SLC43A1: variants seen among roughly 807,000 people sequenced by gnomAD.
SLC43A1 encodes large neutral amino acids transporter small subunit 3.
In SLC43A1, 31 loss-of-function variants were observed where a neutral mutation model predicts 59.5. The ratio of observed to expected loss-of-function variants is 0.52; its 90% CI spans 0.39 to 0.70. The LOEUF is 0.70. Among genes scored for constraint, SLC43A1 ranks in the 30% least tolerant of loss-of-function variants. SLC43A1 has a pLI of 0.00. For missense variants in SLC43A1, 598 were observed against 717.8 expected (o/e 0.83, Z 1.91); for synonymous variants, 259 against 290.9 (o/e 0.89, Z 1.12).
At chr11:57,508,815 C>G (rs746968614) in intron 2 of SLC43A1, among the ~76,000 whole-genome samples, 1 of 151,772 alleles carries the variant, frequency 6.6e-6, no homozygotes, top group Admixed American at 6.6e-5. Context: ...CAAAAAAAAA[C>G]AAATAAATTC....
intron 2 of SLC43A1, among the ~76,000 whole-genome samples, chr11:57,509,386 G>A (rs1364877006): frequency 1.3e-5 from 2 of 151,878 alleles, no homozygotes; most frequent in East Asian, 1.9e-4. Flanking sequence ...TCAGGAGATC[G>A]AAACCATCCT....
intron 13 of SLC43A1, among the ~76,000 whole-genome samples, chr11:57,488,461 GGTT>G (rs1943806538): frequency 6.6e-6 from 1 of 152,164 alleles, no homozygotes; most frequent in South Asian, 2.1e-4. Context: ...ACTTGATAAT[GGTT>G]GTCATTTTGT....
At chr11:57,494,849 CTTT>C (rs34199356) in intron 7 of SLC43A1, among the ~76,000 whole-genome samples, 1 of 143,092 alleles carries the variant, frequency 7.0e-6, no homozygotes, top group Non-Finnish European at 1.5e-5. Context: ...TTTGTCATTA[CTTT>C]TTTTTTTTTT....
chr11:57,491,815 T>G lies in SLC43A1; in HGVS notation c.919A>C (p.Ser307Arg). The G allele has an allele frequency of 6.2e-7, 1 of 1,614,148 alleles. No individual in the cohort carries two copies. Among genetic ancestry groups the G allele is most frequent in the Non-Finnish European group, 8.5e-7 (1 of 1,180,004 alleles). The stretch of plus-strand genomic sequence containing the variant: ...TGGGTCATGCCCATGGTGAGGAGGC[T>G]CCACAGGAAAGTGGGGGAGCAGAGG... ...KSLCSPTFLW[S>R]LLTMGMTQLR... Residue 307 changes from serine to arginine, a missense_variant, in exon 9 of 15, where the codon AGC becomes CGC. Transcript: ENST00000278426.
At chr11:57,513,518 T>C (rs1944606291) in intron 2 of SLC43A1, among the ~76,000 whole-genome samples, 1 of 152,328 alleles carries the variant, frequency 6.6e-6, no homozygotes, top group East Asian at 1.9e-4. Context: ...GCTATGTAAC[T>C]TTGTCCAAAT....
rs189928835 is a variant in SLC43A1 at position 57,489,647 on chromosome 11, C to T, written c.1194-255G>A. 4.6e-5 allele frequency among the ~76,000 whole-genome samples: 7 copies of T among 152,306 alleles called. No homozygotes were observed. In the East Asian group the frequency reaches 9.7e-4, roughly 21 times the overall value. ...ACATGCAGATTCACAGGCCTCATCT[C>T]GGCCCTCAGAATCTCAGCGGGGATA... On this transcript the variant is annotated intron_variant, in intron 11 of 14. Transcript: ENST00000278426.
rs2581930 is a variant in SLC43A1, at chr11:57,515,009, G to A, written c.-14+435C>T. ...CGGCGGGAGGAGAGGGAACGCGGGC[G>A]GCGCGGGGGCGGGGAGCGACAACTG... On this transcript the variant is annotated intron_variant, in intron 1 of 14. Transcript: ENST00000278426. The surrounding 1 kb of genome is among the most constrained non-coding windows in gnomAD (Gnocchi z 5.3). 0.44 allele frequency: 429,198 copies of A among 983,244 alleles called. 94,418 individuals are homozygous for A. Among genetic ancestry groups the A allele is most frequent in the East Asian group, 0.72 (6,264 of 8,722 alleles). 60.9% of individuals were successfully genotyped at this position (983,244 alleles called of 1,614,324 possible). A position where few individuals can be genotyped will look rare whatever the true frequency, so the allele number is the denominator to read the frequency against.
chr11:57,496,227 A>C, intron 6 of SLC43A1, 63 bp from the exon 7 acceptor site: 1 of 1,582,816 alleles, frequency 6.3e-7, no homozygotes. Context: ...ACCAAGGTAG[A>C]TCCCAGGCCT....
At chr11:57,495,265 G>C (rs1944045665) in intron 7 of SLC43A1, among the ~76,000 whole-genome samples, 1 of 151,848 alleles carries the variant, frequency 6.6e-6, no homozygotes, top group Admixed American at 6.6e-5. Context: ...GAGCCAGGCG[G>C]ATCACTTGAG....
intron 2 of SLC43A1, among the ~76,000 whole-genome samples, chr11:57,513,287 C>A (rs563175859): frequency 2.0e-5 from 3 of 152,344 alleles, no homozygotes; most frequent in East Asian, 3.9e-4. Context: ...CTTGTCAGCA[C>A]AGCTCTCTCC....
chr11:57,495,302 A>C (rs1285449103), intron 7 of SLC43A1, among the ~76,000 whole-genome samples: 1 of 151,830 alleles, frequency 6.6e-6, no homozygotes, highest in Non-Finnish European at 1.5e-5. Context: ...CAGCCTGGCC[A>C]ACATGGTGAA....
intron 7 of SLC43A1, among the ~76,000 whole-genome samples, chr11:57,495,589 G>A (rs925573442): frequency 6.6e-6 from 1 of 152,136 alleles, no homozygotes; most frequent in Non-Finnish European, 1.5e-5. Context: ...ACTTTGGAAG[G>A]GCAAGGGGGG....
chr11:57,495,685 C>A (rs928379960), intron 7 of SLC43A1, among the ~76,000 whole-genome samples: 1 of 151,796 alleles, frequency 6.6e-6, no homozygotes, highest in Non-Finnish European at 1.5e-5. Flanking sequence ...ATTAACTGGG[C>A]ATGGTGGTGT....
intron 2 of SLC43A1, among the ~76,000 whole-genome samples, chr11:57,506,916 T>C (rs935081297): frequency 6.6e-6 from 1 of 152,350 alleles, no homozygotes; most frequent in East Asian, 1.9e-4. Flanking sequence ...TTGTGATAAA[T>C]TGAACTGCTT....
chr11:57,488,807 C>G lies in SLC43A1; in HGVS notation c.1409+109G>C, dbSNP rs2135147260. The G allele has an allele frequency of 9.9e-6, 9 of 908,708 alleles. No homozygotes were observed. In the East Asian group the frequency reaches 2.2e-4, roughly 22 times the overall value. 56.3% of individuals were successfully genotyped at this position (908,708 alleles called of 1,614,324 possible). On this transcript the variant is annotated intron_variant, in intron 13 of 14. Coordinates refer to ENST00000278426, the MANE Select transcript of SLC43A1 (RefSeq NM_003627.6). ...AGTGAGCTCCCTGCCATCAGAGGGT[C>G]TCAGAGAGAGGTGCATTAGGGGATG... is the stretch of plus-strand genomic sequence containing the variant.
At chr11:57,498,826 CT>C (rs1944166125) in intron 5 of SLC43A1, among the ~76,000 whole-genome samples, 1 of 152,180 alleles carries the variant, frequency 6.6e-6, no homozygotes, top group Non-Finnish European at 1.5e-5. Context: ...ATGTGTTCCA[CT>C]CACCTGCCTC....
Position 57,514,245 on chromosome 11 carries a change from A to G in SLC43A1, c.-13-121T>C, listed in dbSNP as rs1476320504. The G allele has an allele frequency of 2.5e-6, 3 of 1,223,586 alleles. No individual in the cohort carries two copies. The highest frequency in any genetic ancestry group is 2.9e-4 in the Middle Eastern group (1 of 3,502). 75.8% of individuals were successfully genotyped at this position (1,223,586 alleles called of 1,614,324 possible). A position where few individuals can be genotyped will look rare whatever the true frequency, so the allele number is the denominator to read the frequency against. ...GCGAGGAGCCCCTCATGGAGGCCCC[A>G]TAGAGCCCTGGGCTTCCCAGCCGGT... On this transcript the variant is annotated intron_variant, in intron 1 of 14. Transcript: ENST00000278426. The surrounding 1 kb of genome is among the most constrained non-coding windows in gnomAD (Gnocchi z 5.5).
intron 2 of SLC43A1, among the ~76,000 whole-genome samples, chr11:57,512,036 T>TCTGAAC: frequency 6.6e-6 from 1 of 152,180 alleles, no homozygotes; most frequent in Non-Finnish European, 1.5e-5. Flanking sequence ...TGTTAAATTA[T>TCTGAAC]ATACTTGAAA....
rs533656536 is a variant in SLC43A1, at chr11:57,498,250, G to A, written c.466-405C>T. On this transcript the variant is annotated intron_variant, in intron 5 of 14. Coordinates refer to ENST00000278426, the MANE Select transcript of SLC43A1 (RefSeq NM_003627.6). The stretch of plus-strand genomic sequence containing the variant: ...GAGGTCAGGAGTTCAAGACCAGCCT[G>A]GACAACATGGTGAAACCCCATCTCC... Among the ~76,000 whole-genome samples, 5 of 152,232 alleles carry A rather than the reference G, an allele frequency of 3.3e-5. No homozygotes were observed. The South Asian group carries it at 8.3e-4, about 25-fold the overall frequency.
Sources: gnomAD v4.1 joint callset for allele counts (sites outside exome capture counted in the v4.1 genomes callset) on GRCh38, gnomAD v4.1.1 for gene constraint, Gnocchi (gnomAD v3.1) non-coding constraint, MANE v1.5 for transcripts, NCBI Gene and HGNC (gene_info 2026-07-23, HGNC 2026-07-21) for gene names.